Variants in MCPH1 observed in about 807,000 individuals in gnomAD.
The protein encoded by MCPH1 is microcephalin 1, also known as microcephalin.
Under a neutral mutation model 84.5 loss-of-function variants are expected in MCPH1, and 104 were observed. The observed-to-expected ratio is 1.23, with a 90% CI of 1.05 to 1.45. The LOEUF is 1.45. Among genes scored for constraint, MCPH1 ranks in the 40% most tolerant of loss-of-function variants. The pLI is 0.00. For missense variants in MCPH1, 1,498 were observed against 1,005.7 expected, an observed-to-expected ratio of 1.49 and a Z score of -6.62; for synonymous variants, 514 against 366.8, an observed-to-expected ratio of 1.40 and a Z score of -4.58.
intron 12 of MCPH1, among the ~76,000 whole-genome samples, chr8:6,586,778 G>C (rs906449450): frequency 6.6e-6 from 1 of 152,222 alleles, no homozygotes; most frequent in African/African-American, 2.4e-5. Flanking sequence ...GTTTTGGTGA[G>C]ATTAAGCTGG....
chr8:6,607,622 A>G (rs1829892511), intron 12 of MCPH1, among the ~76,000 whole-genome samples: 1 of 152,020 alleles, frequency 6.6e-6, no homozygotes, highest in Non-Finnish European at 1.5e-5. Flanking sequence ...ATGGGAGGGA[A>G]CCAGTGGGAG....
At chr8:6,630,594 C>G (rs1210045521) in intron 13 of MCPH1, among the ~76,000 whole-genome samples, 1 of 151,900 alleles carries the variant, frequency 6.6e-6, no homozygotes, top group Non-Finnish European at 1.5e-5. Context: ...CCAGCCTGAC[C>G]AACACGGTGA....
At chr8:6,504,475 C>T (rs1280323294) in intron 12 of MCPH1, among the ~76,000 whole-genome samples, 1 of 152,146 alleles carries the variant, frequency 6.6e-6, no homozygotes, top group Non-Finnish European at 1.5e-5. Context: ...CTCCTGATCA[C>T]TTAGTAGCTG....
intron 13 of MCPH1, chr8:6,622,073 G>C (rs925633314): frequency 2.8e-6 from 1 of 356,636 alleles, no homozygotes; most frequent in African/African-American, 2.1e-5. Context: ...GGCAGCGCCC[G>C]GCACTGGGGC....
intron 12 of MCPH1, among the ~76,000 whole-genome samples, chr8:6,509,296 A>G (rs768282307): frequency 6.6e-6 from 1 of 152,254 alleles, no homozygotes; most frequent in Non-Finnish European, 1.5e-5. Context: ...TATCACTTGC[A>G]CAACTATCAG....
intron 12 of MCPH1, among the ~76,000 whole-genome samples, chr8:6,512,047 C>T (rs1431948886): frequency 6.6e-6 from 1 of 151,968 alleles, no homozygotes; most frequent in African/African-American, 2.4e-5. Flanking sequence ...GTTGGAACTG[C>T]TGTGAGGCCC....
chr8:6,625,654 G>A lies in MCPH1; in HGVS notation c.2452+3963G>A, dbSNP rs559950463. The A allele has an allele frequency of 1.0e-4, 103 of 985,258 alleles. 1 individual carries two copies. The South Asian group carries it at 1.2e-3, about 12-fold the overall frequency. The allele number at this position is 985,258 out of a possible 1,614,324, so 61.0% of individuals were successfully genotyped here. ...TGAGCGTCTTAGAGTAATTTGAGCCGGGCGTGGTGGCCCATGCCTGTTGTC... is the reference window on the plus strand; with the variant it reads ...TGAGCGTCTTAGAGTAATTTGAGCCAGGCGTGGTGGCCCATGCCTGTTGTC... On this transcript the variant is annotated intron_variant, in intron 13 of 13. Transcript: ENST00000344683.
At chr8:6,431,870 A>G (rs966584064) in intron 4 of MCPH1, among the ~76,000 whole-genome samples, 1 of 152,246 alleles carries the variant, frequency 6.6e-6, no homozygotes. Context: ...TTTGGTAATT[A>G]CTTCAGAATG....
chr8:6,612,730 C>T (rs916221190), intron 12 of MCPH1, among the ~76,000 whole-genome samples: 1 of 152,254 alleles, frequency 6.6e-6, no homozygotes, highest in Non-Finnish European at 1.5e-5. Flanking sequence ...CTTTTGCTAT[C>T]TGCACTTTCC....
intron 12 of MCPH1, chr8:6,532,546 T>C: frequency 7.7e-7 from 1 of 1,290,994 alleles, no homozygotes; most frequent in Non-Finnish European, 1.0e-6. Context: ...ACCTGATTCC[T>C]AAATGTTTGT....
chr8:6,571,981 A>C (rs556561656), intron 12 of MCPH1, among the ~76,000 whole-genome samples: 2 of 152,104 alleles, frequency 1.3e-5, no homozygotes, highest in Non-Finnish European at 2.9e-5. Flanking sequence ...GTATCCCTCC[A>C]CTTTTTCTCT....
rs566203066 is a variant in MCPH1 at position 6,541,037 on chromosome 8, G to A, written c.2214+41108G>A. On this transcript the variant is annotated intron_variant, in intron 12 of 13. Coordinates refer to ENST00000344683, the MANE Select transcript of MCPH1 (RefSeq NM_024596.5). ...GAGCTGTGCTTGCGAGAGTGCCGAG[G>A]AGGCTCTCATGGGTGTCCCGAGGCA... Among the ~76,000 whole-genome samples, 7 of 59,866 alleles carry A rather than the reference G, an allele frequency of 1.2e-4. No individual in the cohort carries two copies. In the South Asian group the frequency reaches 3.7e-3, roughly 32 times the overall value. 39.3% of individuals were successfully genotyped at this position (59,866 alleles called of 152,430 possible).
chr8:6,429,570 C>G (rs1410989617), intron 3 of MCPH1, among the ~76,000 whole-genome samples: 1 of 151,752 alleles, frequency 6.6e-6, no homozygotes, highest in Non-Finnish European at 1.5e-5. Context: ...CCAGACAGCT[C>G]TTATCTACTC....
intron 1 of MCPH1, among the ~76,000 whole-genome samples, chr8:6,407,676 T>G (rs1377968371): frequency 6.6e-6 from 1 of 152,206 alleles, no homozygotes; most frequent in Non-Finnish European, 1.5e-5. Flanking sequence ...AGTATTTTGT[T>G]AAATTAACCT....
intron 13 of MCPH1, chr8:6,625,862 C>T (rs749543048): frequency 4.1e-4 from 400 of 985,418 alleles, no homozygotes; most frequent in Admixed American, 6.8e-4. Flanking sequence ...TTGCAGATGT[C>T]GTAAACTCAC....
chr8:6,589,332 G>C (rs929846972), intron 12 of MCPH1, among the ~76,000 whole-genome samples: 5 of 152,148 alleles, frequency 3.3e-5, no homozygotes, highest in African/African-American at 1.2e-4. Flanking sequence ...ATGATAGTGA[G>C]TGGAGAATAT....
intron 12 of MCPH1, among the ~76,000 whole-genome samples, chr8:6,514,112 A>G (rs527264568): frequency 1.3e-5 from 2 of 152,358 alleles, no homozygotes; most frequent in African/African-American, 4.8e-5. Flanking sequence ...TAAACAGCTC[A>G]GTTCATGGGA....
In MCPH1 at chr8:6,632,347, T is replaced by G. The variant is rs566367174; in HGVS notation, c.2453-10647T>G. Among the ~76,000 whole-genome samples the G allele has an allele frequency of 8.5e-5, 13 of 152,324 alleles. No individual in the cohort carries two copies. In the East Asian group the frequency reaches 2.5e-3, roughly 29 times the overall value. On this transcript the variant is annotated intron_variant, in intron 13 of 13. Transcript: ENST00000344683. Reference sequence around the variant, plus strand: ...AGCTAATATGGTAAATTTTATGTTATGTCTATCAAACTTTTAAAGGCACCC... The same window carrying G: ...AGCTAATATGGTAAATTTTATGTTAGGTCTATCAAACTTTTAAAGGCACCC...
intron 12 of MCPH1, among the ~76,000 whole-genome samples, chr8:6,617,900 A>AATTTATCT (rs1554480977): frequency 7.0e-6 from 1 of 143,134 alleles, no homozygotes; most frequent in Non-Finnish European, 1.5e-5. Context: ...CTATCTATCT[A>AATTTATCT]ATCTATCTAT....
Sources: allele counts gnomAD v4.1 joint callset (sites outside exome capture counted in the v4.1 genomes callset), GRCh38; gene constraint gnomAD v4.1.1; transcripts MANE v1.5; gene names NCBI Gene and HGNC (gene_info 2026-07-23, HGNC 2026-07-21).